Variants in LYST observed in about 807,000 individuals in gnomAD.
LYST encodes the protein lysosomal-trafficking regulator.
In LYST, 192 loss-of-function variants were observed where a neutral mutation model predicts 413.6. The ratio of observed to expected loss-of-function variants is 0.46; its 90% CI spans 0.41 to 0.52. The LOEUF (loss-of-function observed/expected upper bound fraction) is 0.52. Among genes scored for constraint, LYST ranks in the 20% least tolerant of loss-of-function variants. The pLI, the probability that LYST is intolerant of heterozygous loss-of-function variation, is 0.00. For synonymous variants in LYST, 1,525 were observed against 1,567.3 expected, an observed-to-expected ratio of 0.97 and a Z score of 0.64; for missense variants, 3,815 against 4,499.9, an observed-to-expected ratio of 0.85 and a Z score of 4.35.
intron 42 of LYST, chr1:235,712,947 A>C: frequency 7.1e-6 from 7 of 985,420 alleles, no homozygotes; most frequent in Non-Finnish European, 8.4e-6. Context: ...CTCTGAAAAC[A>C]GTAGCAGTTT....
At chr1:235,817,849 C>A (rs1361736643) in intron 3 of LYST, among the ~76,000 whole-genome samples, 1 of 151,914 alleles carries the variant, frequency 6.6e-6, no homozygotes, top group African/African-American at 2.4e-5. Context: ...GCAAATGCAC[C>A]CCTGAACCTA....
At chr1:235,663,885 A>G in intron 52 of LYST, 99 bp downstream of exon 52, 1 of 1,052,072 alleles carries the variant, frequency 9.5e-7, no homozygotes, top group South Asian at 1.3e-5. Flanking sequence ...TGATGACTTC[A>G]ATTGCACATT....
intron 1 of LYST, among the ~76,000 whole-genome samples, chr1:235,876,589 G>T (rs1378027837): frequency 6.6e-6 from 1 of 152,206 alleles, no homozygotes; most frequent in Non-Finnish European, 1.5e-5. Flanking sequence ...TACTTGGGGA[G>T]ATTTTATTTA....
chr1:235,795,430 T>C (rs114079442), intron 10 of LYST, among the ~76,000 whole-genome samples: 1,960 of 152,302 alleles, frequency 0.013, 45 homozygotes, highest in African/African-American at 0.044. Context: ...TGCCAAGCCA[T>C]GCATCCTGGT....
intron 12 of LYST, among the ~76,000 whole-genome samples, chr1:235,789,381 C>G (rs1400064529): frequency 6.6e-6 from 1 of 152,108 alleles, no homozygotes; most frequent in African/African-American, 2.4e-5. Flanking sequence ...GATTCTGAAA[C>G]TCTAATGTTT....
intron 48 of LYST, among the ~76,000 whole-genome samples, chr1:235,684,191 A>T: frequency 6.6e-6 from 1 of 152,316 alleles, no homozygotes; most frequent in Non-Finnish European, 1.5e-5. Flanking sequence ...GCTTCCTCAA[A>T]GCTATCCTGT....
At chr1:235,856,075 C>T (rs931932190) in intron 1 of LYST, among the ~76,000 whole-genome samples, 4 of 152,116 alleles carry the variant, frequency 2.6e-5, no homozygotes, top group African/African-American at 9.7e-5. Context: ...TTTCTGAGCA[C>T]AGGCATTTCA....
At chr1:235,768,348 C>A (rs981018615) in intron 20 of LYST, among the ~76,000 whole-genome samples, 4 of 152,066 alleles carry the variant, frequency 2.6e-5, no homozygotes, top group Non-Finnish European at 5.9e-5. Flanking sequence ...CTACTAAACA[C>A]TCCCATTTTA....
In LYST at chr1:235,792,049, G is replaced by C; in HGVS notation, c.4193C>G (p.Pro1398Arg). Residue 1398 changes from proline (P) to arginine (R), a missense_variant, in exon 12 of 53, where the codon CCT becomes CGT. Physicochemically the swap from Pro to Arg is moderately radical, Grantham distance 103 (BLOSUM62 -2). Transcript: ENST00000389793. ...GCTTAAATTTGGAGCGTGCAGTAAAGGGAAGGTTAGATACTGTGAAGGGCT... is the reference window on the plus strand; with the variant it reads ...GCTTAAATTTGGAGCGTGCAGTAAACGGAAGGTTAGATACTGTGAAGGGCT... ...TMSPSQYLTF[P>R]LLHAPNLSNG... 6.2e-7 allele frequency: 1 copy of C among 1,613,866 alleles called. No homozygotes were observed. Among genetic ancestry groups the C allele is most frequent in the Non-Finnish European group, 8.5e-7 (1 of 1,179,790 alleles).
intron 1 of LYST, among the ~76,000 whole-genome samples, chr1:235,873,036 G>A (rs975251942): frequency 1.3e-5 from 2 of 152,176 alleles, no homozygotes; most frequent in Admixed American, 1.3e-4. Flanking sequence ...CTATCTTGAA[G>A]GAGAAAGAGA....
At chr1:235,724,968 C>T (rs1472382507) in intron 38 of LYST, among the ~76,000 whole-genome samples, 2 of 152,216 alleles carry the variant, frequency 1.3e-5, no homozygotes, top group African/African-American at 2.4e-5. Context: ...CATGTATGCA[C>T]ATACCCCAGT....
Position 235,733,608 on chromosome 1 carries a change from C to A in LYST, c.8696G>T (p.Gly2899Val). The A allele has an allele frequency of 6.2e-7, 1 of 1,612,910 alleles. No homozygotes were observed. The highest frequency in any genetic ancestry group is 8.5e-7 in the Non-Finnish European group (1 of 1,179,046). The change falls in exon 34 of 53, where the codon GGA becomes GTA. Residue 2899 changes from glycine (G) to valine (V), a missense_variant. Gly to Val is a moderately radical substitution (Grantham distance 109). Transcript: ENST00000389793. The part of the protein sequence containing the change: ...DITQAVSLSQ[G>V]NERKKVIQHI... Reference sequence around the variant, plus strand: ...CTGGATCACCTTTTTTCTCTCATTTCCTTGGGAGAGAGACACTGCCTGGGT... The same window carrying A: ...CTGGATCACCTTTTTTCTCTCATTTACTTGGGAGAGAGACACTGCCTGGGT...
intron 40 of LYST, among the ~76,000 whole-genome samples, chr1:235,717,085 T>G (rs899838444): frequency 2.0e-5 from 3 of 152,194 alleles, no homozygotes; most frequent in Non-Finnish European, 4.4e-5. Context: ...GAGTCATAAC[T>G]GATGTTGCTC....
intron 1 of LYST, among the ~76,000 whole-genome samples, chr1:235,847,620 G>A (rs1182201600): frequency 1.3e-5 from 2 of 152,040 alleles, no homozygotes; most frequent in Non-Finnish European, 2.9e-5. Context: ...GAATGGATAA[G>A]AATTCACCAA....
chr1:235,800,304 AAC>A lies in LYST; in HGVS notation c.4006+14_4006+15del, dbSNP rs1456654818. 1.3e-6 allele frequency: 2 copies of A among 1,493,188 alleles called. No individual in the cohort carries two copies. Among genetic ancestry groups the A allele is most frequent in the African/African-American group, 1.4e-5 (1 of 72,398 alleles). 92.5% of individuals were successfully genotyped at this position (1,493,188 alleles called of 1,614,324 possible). ...AAATAATTTCAGAGCTATTGTTTAA[AAC>A]AGTTTCAACTTACCTTGAAAATCAG... is the stretch of plus-strand genomic sequence containing the variant. On this transcript the variant is annotated intron_variant, in intron 10 of 52. Coordinates refer to ENST00000389793, the MANE Select transcript of LYST (RefSeq NM_000081.4).
intron 44 of LYST, among the ~76,000 whole-genome samples, chr1:235,707,701 C>T (rs1370958212): frequency 6.6e-6 from 1 of 152,064 alleles, no homozygotes; most frequent in Admixed American, 6.6e-5. Flanking sequence ...TAAAGATGTA[C>T]ATAAAAATAA....
chr1:235,793,381 C>A, intron 11 of LYST, 122 bp downstream of exon 11: 1 of 565,374 alleles, frequency 1.8e-6, no homozygotes, highest in Non-Finnish European at 3.2e-6. Context: ...ATTGCCTATA[C>A]CAACTGTCAC....
chr1:235,751,550 T>C (rs942544018), intron 27 of LYST, among the ~76,000 whole-genome samples, 188 bp from the exon 28 acceptor site: 2 of 152,196 alleles, frequency 1.3e-5, no homozygotes, highest in Non-Finnish European at 2.9e-5. Context: ...TTACAAATGG[T>C]CACTAAAAAA....
intron 12 of LYST, 93 bp downstream of exon 12, chr1:235,791,606 G>A (rs1203927150): frequency 2.0e-6 from 2 of 1,013,902 alleles, no homozygotes; most frequent in Non-Finnish European, 3.1e-6. Context: ...CATGTTAAGA[G>A]TGTTAAGAAC....
Sources: allele counts gnomAD v4.1 joint callset (sites outside exome capture counted in the v4.1 genomes callset), GRCh38; gene constraint gnomAD v4.1.1; transcripts MANE v1.5; gene names NCBI Gene and HGNC (gene_info 2026-07-23, HGNC 2026-07-21).